BSN: variants seen among roughly 807,000 people sequenced by gnomAD.
BSN encodes the protein protein bassoon.
In BSN, 57 loss-of-function variants were observed where a neutral mutation model predicts 264.8. The ratio of observed to expected loss-of-function variants is 0.22; its 90% CI spans 0.17 to 0.27. The LOEUF (loss-of-function observed/expected upper bound fraction) is 0.27. Among genes scored for constraint, BSN ranks in the 10% least tolerant of loss-of-function variants. The pLI is 1.00. For synonymous variants in BSN, 2,059 were observed against 2,137.3 expected, an observed-to-expected ratio of 0.96 and a Z score of 1.01; for missense variants, 4,615 against 5,232.5, an observed-to-expected ratio of 0.88 and a Z score of 3.64.
Position 49,655,624 on chromosome 3 carries a change from A to G in BSN, c.6068A>G (p.Tyr2023Cys). 1 of 1,613,698 alleles carries G rather than the reference A, an allele frequency of 6.2e-7. No individual in the cohort carries two copies. The highest frequency in any genetic ancestry group is 8.5e-7 in the Non-Finnish European group (1 of 1,179,990). ...AMDLSSLKHS[Y>C]SLGFADGRYL... The stretch of plus-strand genomic sequence containing the variant: ...GACCTCAGCTCACTGAAGCACTCCT[A>G]CAGCCTGGGCTTTGCGGATGGACGC... The change falls in exon 5 of 12, where the codon TAC becomes TGC. Residue 2023 changes from tyrosine to cysteine, a missense_variant. Transcript: ENST00000296452.
At chr3:49,605,429 TA>T (rs1190456979) in intron 1 of BSN, among the ~76,000 whole-genome samples, 1 of 37,496 alleles carries the variant, frequency 2.7e-5, no homozygotes, top group African/African-American at 1.3e-4. Flanking sequence ...TATTTATATA[TA>T]ATATATATTA....
Position 49,554,809 on chromosome 3 carries a change from C to G in BSN, c.207C>G (p.Pro69=). 2.5e-6 allele frequency: 3 copies of G among 1,222,276 alleles called. No homozygotes were observed. Among genetic ancestry groups the G allele is most frequent in the Non-Finnish European group, 3.1e-6 (3 of 981,790 alleles). 75.7% of individuals were successfully genotyped at this position (1,222,276 alleles called of 1,614,324 possible). A position where few individuals can be genotyped will look rare whatever the true frequency, so the allele number is the denominator to read the frequency against. ...CTGGCCCCGGCCCCGGCCCCGGTCC[C>G]GGCCCTGGCCCGGGCAGGTAAGCGC... ...PVPGPGPGPG[P]GPGPGSTSRR... The change falls in exon 1 of 12, where the codon CCC becomes CCG. Residue 69 remains proline, a synonymous_variant. Transcript: ENST00000296452.
Position 49,651,327 on chromosome 3 carries a change from A to G in BSN, c.1987-216A>G. The G allele has an allele frequency of 1.6e-6, 1 of 639,052 alleles. No homozygotes were observed. Among genetic ancestry groups the G allele is most frequent in the Non-Finnish European group, 2.6e-6 (1 of 385,272 alleles). The allele number at this position is 639,052 out of a possible 1,614,324, so 39.6% of individuals were successfully genotyped here. On this transcript the variant is annotated intron_variant, in intron 4 of 11. Transcript: ENST00000296452. This position sits in a 1 kb window ranked among gnomAD's most constrained non-coding sequence, Gnocchi z 5.4. ...GCTGGGTTTTGATACCCTTTGATCT[A>G]GTAAAGTTTCTCTTTGAAGACCAAG... is the stretch of plus-strand genomic sequence containing the variant.
At position 49,668,496 on chromosome 3, in the gene BSN, TCCTCTCTGCTCTGCCCCTG is replaced by T. The variant is rs1295932229; in HGVS notation, c.*1013_*1031del. On this transcript the variant is annotated 3_prime_UTR_variant, in exon 12 of 12. Coordinates refer to ENST00000296452, the MANE Select transcript of BSN (RefSeq NM_003458.4). ...CCACCTTGTGACTGATGGTTTGGTTTCCTCTCTGCTCTGCCCCTGCTCAGCACAGGGAGAATGTTGACTT... is the reference window on the plus strand; with the variant it reads ...CCACCTTGTGACTGATGGTTTGGTTTCTCAGCACAGGGAGAATGTTGACTT... 1.3e-5 allele frequency: 2 copies of T among 152,676 alleles called. No homozygotes were observed. Among genetic ancestry groups the T allele is most frequent in the Non-Finnish European group, 2.9e-5 (2 of 68,076 alleles). The allele number at this position is 152,676 out of a possible 1,614,324, so 9.5% of individuals were successfully genotyped here. A position where few individuals can be genotyped will look rare whatever the true frequency, so the allele number is the denominator to read the frequency against.
In BSN at chr3:49,657,459, C is replaced by A. The variant is rs762860512; in HGVS notation, c.7903C>A (p.Arg2635Ser). Reference sequence around the variant, plus strand: ...GCGCCGCCGCAGGTCTCGTCTTCCCCGCCACTCAGACTCAGGCTCTGACAG... The same window carrying A: ...GCGCCGCCGCAGGTCTCGTCTTCCCAGCCACTCAGACTCAGGCTCTGACAG... Reference protein sequence around the residue: ...PVRRRRSRLPRHSDSGSDSKH... With the variant: ...PVRRRRSRLPSHSDSGSDSKH... Residue 2635 changes from arginine to serine, a missense_variant, in exon 5 of 12, where the codon CGC becomes AGC. Arg to Ser is a moderately radical substitution (Grantham distance 110). Transcript: ENST00000296452. The A allele has an allele frequency of 1.2e-6, 2 of 1,612,902 alleles. No individual in the cohort carries two copies. The highest frequency in any genetic ancestry group is 1.7e-6 in the Non-Finnish European group (2 of 1,179,864).
chr3:49,621,139 G>T (rs1164618310), intron 1 of BSN, among the ~76,000 whole-genome samples: 25 of 152,180 alleles, frequency 1.6e-4, no homozygotes, highest in Admixed American at 1.6e-3. Flanking sequence ...GAAGATCAGG[G>T]GCTCAGCTTG....
At chr3:49,636,908 A>G (rs2052424223) in intron 2 of BSN, among the ~76,000 whole-genome samples, 1 of 152,206 alleles carries the variant, frequency 6.6e-6, no homozygotes, top group Admixed American at 6.5e-5. Flanking sequence ...CCTTCTGCAC[A>G]TCGGCCTGTC....
At chr3:49,565,300 C>T (rs1262582460) in intron 1 of BSN, among the ~76,000 whole-genome samples, 2 of 139,522 alleles carry the variant, frequency 1.4e-5, no homozygotes, top group African/African-American at 5.4e-5. Context: ...CACCCACCCA[C>T]CACGCCCAGC....
Position 49,652,243 on chromosome 3 carries a change from G to T in BSN, c.2687G>T (p.Arg896Leu). 3 of 1,605,924 alleles carry T rather than the reference G, an allele frequency of 1.9e-6. No individual in the cohort carries two copies. In the East Asian group the frequency reaches 6.7e-5, roughly 36 times the overall value. ...SQEPAALPKR[R>L]LPHNATTGYE... is the part of the protein sequence containing the mutation. ...GAACCAGCAGCACTGCCCAAGAGGC[G>T]CCTGCCCCACAATGCCACCACGGGC... The change falls in exon 5 of 12, where the codon CGC becomes CTC. Residue 896 changes from arginine to leucine, a missense_variant. By Grantham distance (102) the Arg-to-Leu change is moderately radical. This residue lies in a region of BSN where 1,197 missense variants were observed against 1,348.0 expected (regional missense o/e 0.89). Coordinates refer to ENST00000296452, the MANE Select transcript of BSN (RefSeq NM_003458.4).
intron 1 of BSN, among the ~76,000 whole-genome samples, chr3:49,567,241 T>C (rs1017596991): frequency 6.6e-6 from 1 of 152,226 alleles, no homozygotes; most frequent in African/African-American, 2.4e-5. Flanking sequence ...GTTCTCTGTT[T>C]TAGAGTTATT....
In BSN at chr3:49,560,294, C is replaced by G. The variant is rs565407228; in HGVS notation, c.224+5468C>G. Among the ~76,000 whole-genome samples, 3 of 152,310 alleles carry G rather than the reference C, an allele frequency of 2.0e-5. No homozygotes were observed. The East Asian group carries it at 5.8e-4, about 29-fold the overall frequency. ...TGTGAGGGGAACCTGTTGCTGGAGC[C>G]TGTGGGCCATGTGCAGTAAGTTGGG... On this transcript the variant is annotated intron_variant, in intron 1 of 11. Coordinates refer to ENST00000296452, the MANE Select transcript of BSN (RefSeq NM_003458.4).
chr3:49,629,250 TGCCTGCTCA>T, intron 2 of BSN, among the ~76,000 whole-genome samples: 1 of 152,374 alleles, frequency 6.6e-6, no homozygotes, highest in South Asian at 2.1e-4. Flanking sequence ...CTAATGCCCA[TGCCTGCTCA>T]GGCCTGCTAG....
In BSN at chr3:49,654,787, A is replaced by G. The variant is rs936962816; in HGVS notation, c.5231A>G (p.Gln1744Arg). The G allele has an allele frequency of 6.2e-7, 1 of 1,613,418 alleles. No individual in the cohort carries two copies. Among genetic ancestry groups the G allele is most frequent in the African/African-American group, 1.3e-5 (1 of 74,988 alleles). ...ATGGCCTCGTCTGTGTTCATGGCTCAACAAAAGCAGCCTGTGGTCTATGGA... is the reference window on the plus strand; with the variant it reads ...ATGGCCTCGTCTGTGTTCATGGCTCGACAAAAGCAGCCTGTGGTCTATGGA... ...ITMASSVFMA[Q>R]QKQPVVYGDP... Residue 1744 changes from glutamine (Q) to arginine (R), a missense_variant, in exon 5 of 12, where the codon CAA becomes CGA. By Grantham distance (43) the Gln-to-Arg change is conservative. Around this residue, in one of 3 missense-constraint regions of BSN, gnomAD observed 3,415 missense variants for 3,866.4 expected, o/e 0.88. Coordinates refer to ENST00000296452, the MANE Select transcript of BSN (RefSeq NM_003458.4). The surrounding 1 kb of genome is among the most constrained non-coding windows in gnomAD (Gnocchi z 4.1).
intron 1 of BSN, among the ~76,000 whole-genome samples, chr3:49,559,333 C>T (rs936725547): frequency 3.3e-5 from 5 of 152,180 alleles, no homozygotes; most frequent in Admixed American, 2.6e-4. Flanking sequence ...TGCTTAGCCA[C>T]TGCCATCATC....
chr3:49,629,523 A>G (rs1446409576), intron 2 of BSN, among the ~76,000 whole-genome samples: 1 of 152,212 alleles, frequency 6.6e-6, no homozygotes, highest in African/African-American at 2.4e-5. Context: ...TAGGCTTCTC[A>G]GGGACTTCCA....
rs1437581294 is a variant in BSN, at chr3:49,653,818, A to G, written c.4262A>G (p.His1421Arg). 6.2e-7 allele frequency: 1 copy of G among 1,614,140 alleles called. No individual in the cohort carries two copies. Among genetic ancestry groups the G allele is most frequent in the Non-Finnish European group, 8.5e-7 (1 of 1,180,014 alleles). The change falls in exon 5 of 12, where the codon CAC (histidine) becomes CGC (arginine). Residue 1421 changes from histidine to arginine, a missense_variant. Physicochemically the swap from His to Arg is conservative, Grantham distance 29 (BLOSUM62 0). Transcript: ENST00000296452. The surrounding 1 kb of genome is among the most constrained non-coding windows in gnomAD (Gnocchi z 6.3). ...SPSSTAHSYG[H>R]SPTTANYGSQ... ...TCTTCCACAGCCCACAGCTATGGACACAGCCCAACCACTGCAAACTATGGG... is the reference window on the plus strand; with the variant it reads ...TCTTCCACAGCCCACAGCTATGGACGCAGCCCAACCACTGCAAACTATGGG...
chr3:49,584,885 C>T (rs1430503291), intron 1 of BSN, among the ~76,000 whole-genome samples: 1 of 152,128 alleles, frequency 6.6e-6, no homozygotes, highest in African/African-American at 2.4e-5. Context: ...TGAGAACATG[C>T]GATGTTTGTC....
At chr3:49,555,958 CAG>C (rs899790433) in intron 1 of BSN, among the ~76,000 whole-genome samples, 2 of 152,242 alleles carry the variant, frequency 1.3e-5, no homozygotes, top group African/African-American at 4.8e-5. Flanking sequence ...AGACAACTAA[CAG>C]TAATGAAAGG....
intron 6 of BSN, 141 bp downstream of exon 6, chr3:49,662,703 C>G: frequency 8.8e-7 from 1 of 1,137,558 alleles, no homozygotes; most frequent in Non-Finnish European, 1.1e-6. Flanking sequence ...GCAGGCTGCC[C>G]TTGCCTGCTC....
Sources: allele counts gnomAD v4.1 joint callset (sites outside exome capture counted in the v4.1 genomes callset), GRCh38; gene constraint gnomAD v4.1.1; regional missense constraint gnomAD v4.1.1; non-coding constraint Gnocchi (gnomAD v3.1); transcripts MANE v1.5; gene names NCBI Gene and HGNC (gene_info 2026-07-23, HGNC 2026-07-21).